The following ESCO2 variants were observed in gnomAD, a reference collection of about 807,000 sequenced individuals.
ESCO2 encodes the protein establishment of sister chromatid cohesion N-acetyltransferase 2.
ESCO2 carries 51 observed loss-of-function variants against 61.7 expected under a neutral mutation model. The observed-to-expected ratio is 0.83, with a 90% CI of 0.66 to 1.04. The LOEUF is 1.04. ESCO2 is among the 50% of genes least tolerant of loss of function. ESCO2 has a pLI of 0.00. For missense variants in ESCO2, 692 were observed against 686.2 expected (o/e 1.01, Z -0.09); for synonymous variants, 230 against 238.2 (o/e 0.97, Z 0.32).
intron 6 of ESCO2, 143 bp from the exon 7 acceptor site, chr8:27,788,704 A>C: frequency 1.0e-6 from 1 of 976,828 alleles, no homozygotes; most frequent in Non-Finnish European, 1.6e-6. Context: ...AGGATATGGT[A>C]ACCAGATTTT....
At chr8:27,791,825 C>A in intron 7 of ESCO2, 138 bp from the exon 8 acceptor site, 1 of 772,370 alleles carries the variant, frequency 1.3e-6, no homozygotes, top group Non-Finnish European at 2.2e-6. Context: ...TCCCACATTA[C>A]TTTTAGTTGG....
At chr8:27,779,410 C>T (rs79937030) in intron 3 of ESCO2, 1 of 152,246 alleles carries the variant, frequency 6.6e-6, no homozygotes, top group East Asian at 1.9e-4. Context: ...GGAAATCTGT[C>T]AGGATTTTTT....
In ESCO2 at chr8:27,804,101, T is replaced by C. The variant is rs1805513296; in HGVS notation, c.*663T>C. 7.1e-6 allele frequency: 7 copies of C among 985,392 alleles called. No individual in the cohort carries two copies. The highest frequency in any genetic ancestry group is 8.4e-6 in the Non-Finnish European group (7 of 829,910). The allele number at this position is 985,392 out of a possible 1,614,324, so 61.0% of individuals were successfully genotyped here. A position where few individuals can be genotyped will look rare whatever the true frequency, so the allele number is the denominator to read the frequency against. On this transcript the variant is annotated 3_prime_UTR_variant, in exon 11 of 11. Transcript: ENST00000305188. Reference sequence around the variant, plus strand: ...TGTAGTAACTCAGTTTGAATATCTTTAGAAAATGTTTAGAATTTATTTGTA... The same window carrying C: ...TGTAGTAACTCAGTTTGAATATCTTCAGAAAATGTTTAGAATTTATTTGTA...
chr8:27,792,541 T>C (rs777915896), intron 8 of ESCO2, 127 bp from the exon 9 acceptor site: 22 of 1,039,368 alleles, frequency 2.1e-5, no homozygotes, highest in Admixed American at 2.9e-5. Flanking sequence ...TGGAGGTGTA[T>C]AAATTTAAGA....
intron 10 of ESCO2, among the ~76,000 whole-genome samples, chr8:27,800,900 C>T (rs1003528939): frequency 2.0e-5 from 3 of 152,004 alleles, no homozygotes; most frequent in Non-Finnish European, 2.9e-5. Flanking sequence ...GCAGGCAAAT[C>T]CAGAGGCAGA....
At chr8:27,787,635 G>A (rs932919105) in intron 5 of ESCO2, among the ~76,000 whole-genome samples, 1 of 152,086 alleles carries the variant, frequency 6.6e-6, no homozygotes, top group African/African-American at 2.4e-5. Context: ...AAGTCCCTAG[G>A]ACTTGGAGTC....
intron 10 of ESCO2, among the ~76,000 whole-genome samples, chr8:27,802,005 A>T (rs911497935): frequency 3.3e-4 from 35 of 107,042 alleles, no homozygotes; most frequent in African/African-American, 1.3e-3. Context: ...CCAGTATCAC[A>T]TTCAGCATTT....
At chr8:27,795,399 A>G (rs565668142) in intron 9 of ESCO2, among the ~76,000 whole-genome samples, 10 of 152,194 alleles carry the variant, frequency 6.6e-5, no homozygotes, top group African/African-American at 2.2e-4. Flanking sequence ...GCATTTGTTT[A>G]TTCTAATAGT....
At chr8:27,775,152 G>A (rs1804759325) in intron 1 of ESCO2, among the ~76,000 whole-genome samples, 1 of 152,204 alleles carries the variant, frequency 6.6e-6, no homozygotes, top group Non-Finnish European at 1.5e-5. Flanking sequence ...GAAGCAAACG[G>A]CTTGCTCCGG....
chr8:27,798,473 A>AC (rs1455320051), intron 9 of ESCO2, among the ~76,000 whole-genome samples: 5 of 151,874 alleles, frequency 3.3e-5, no homozygotes, highest in Non-Finnish European at 7.4e-5. Context: ...AAAAAAAAAA[A>AC]AACTAAACAT....
intron 7 of ESCO2, 69 bp from the exon 8 acceptor site, chr8:27,791,894 A>C: frequency 1.5e-6 from 2 of 1,356,476 alleles, no homozygotes; most frequent in South Asian, 1.2e-5. Context: ...CTCCACATCA[A>C]ATTATTTAAT....
intron 1 of ESCO2, 127 bp from the exon 2 acceptor site, chr8:27,775,372 T>A: frequency 1.2e-6 from 1 of 807,312 alleles, no homozygotes; most frequent in Non-Finnish European, 2.2e-6. Context: ...AGGAGAGCAA[T>A]GTCGAGGAAG....
downstream of ESCO2, among the ~76,000 whole-genome samples, chr8:27,807,184 C>T (rs527712416): frequency 6.6e-6 from 1 of 152,154 alleles, no homozygotes; most frequent in African/African-American, 2.4e-5. Context: ...ATATTTGTTT[C>T]ATTGCTGATA....
intron 5 of ESCO2, among the ~76,000 whole-genome samples, chr8:27,784,607 T>A (rs1804996573): frequency 6.6e-6 from 1 of 151,964 alleles, no homozygotes; most frequent in Non-Finnish European, 1.5e-5. Context: ...GCTGGAGGAG[T>A]AAGTAACTTG....
rs1805510272 is a variant in ESCO2, at chr8:27,803,958, C to T, written c.*520C>T. The T allele has an allele frequency of 1.0e-6, 1 of 986,522 alleles. No homozygotes were observed. Among genetic ancestry groups the T allele is most frequent in the African/African-American group, 1.8e-5 (1 of 56,728 alleles). 61.1% of individuals were successfully genotyped at this position (986,522 alleles called of 1,614,324 possible). On this transcript the variant is annotated 3_prime_UTR_variant, in exon 11 of 11. Transcript: ENST00000305188. ...GTCTCACTGTGTTGCCCAGGCTGGTCTGAAACTTTTGGGCTCAAGCGATCC... is the reference window on the plus strand; with the variant it reads ...GTCTCACTGTGTTGCCCAGGCTGGTTTGAAACTTTTGGGCTCAAGCGATCC...
At chr8:27,795,981 ATTC>A (rs75919328) in intron 9 of ESCO2, among the ~76,000 whole-genome samples, 1 of 152,018 alleles carries the variant, frequency 6.6e-6, no homozygotes, top group South Asian at 2.1e-4. Flanking sequence ...CTTTGGAGGT[ATTC>A]TTCAGTTTTT....
At chr8:27,787,040 G>C (rs1805062294) in intron 5 of ESCO2, among the ~76,000 whole-genome samples, 1 of 152,050 alleles carries the variant, frequency 6.6e-6, no homozygotes, top group Non-Finnish European at 1.5e-5. Flanking sequence ...AAGGGCATGT[G>C]CTATTCCAAG....
At chr8:27,777,352 C>A in intron 3 of ESCO2, 183 bp downstream of exon 3, 1 of 542,654 alleles carries the variant, frequency 1.8e-6, no homozygotes, top group Non-Finnish European at 3.0e-6. Flanking sequence ...ATGACCCAGG[C>A]TGTAGTGCAG....
rs551083127 is a variant in ESCO2, at chr8:27,788,849, C to T, written c.1134C>T (p.Asp378=). The part of the protein sequence containing the change: ...SKKTKDQLII[D]AGQKHFGATV... ...CTTTTTTTACCCCCCAATTATAGGA[C>T]GCTGGTCAGAAACATTTTGGGGCTA... Residue 378 remains aspartate (D), a splice_region_variant and synonymous_variant, in exon 7 of 11, where the codon GAC becomes GAT. Transcript: ENST00000305188. The T allele has an allele frequency of 2.7e-5, 43 of 1,613,818 alleles. No individual in the cohort carries two copies. The highest frequency in any genetic ancestry group is 4.5e-5 in the East Asian group (2 of 44,862).
Sources: allele counts gnomAD v4.1 joint callset (sites outside exome capture counted in the v4.1 genomes callset), GRCh38; gene constraint gnomAD v4.1.1; transcripts MANE v1.5; gene names NCBI Gene and HGNC (gene_info 2026-07-23, HGNC 2026-07-21).